The following PCDH15 variants were observed in gnomAD, a reference collection of about 807,000 sequenced individuals.
PCDH15 encodes the protein protocadherin-15.
In PCDH15, 129 loss-of-function variants were observed where a neutral mutation model predicts 178.5. The observed-to-expected ratio is 0.72, with a 90% CI of 0.63 to 0.84. The LOEUF is 0.84. PCDH15 is among the 40% of genes least tolerant of loss of function. PCDH15 has a pLI of 0.00. For synonymous variants in PCDH15, 800 were observed against 732.0 expected, an observed-to-expected ratio of 1.09 and a Z score of -1.50; for missense variants, 2,230 against 2,099.9, an observed-to-expected ratio of 1.06 and a Z score of -1.21.
intron 2 of PCDH15, among the ~76,000 whole-genome samples, chr10:55,453,602 G>A (rs1402332078): frequency 6.6e-6 from 1 of 151,866 alleles, no homozygotes; most frequent in Non-Finnish European, 1.5e-5. Context: ...GGTTTCGGGG[G>A]GTCAACTAGA....
intron 8 of PCDH15, among the ~76,000 whole-genome samples, chr10:54,243,494 A>G (rs116711241): frequency 0.058 from 8,843 of 152,162 alleles, 704 homozygotes; most frequent in African/African-American, 0.18. Context: ...GCGACAGAGC[A>G]AGACTCAGCG....
At position 54,349,644 on chromosome 10, in the gene PCDH15, T is replaced by G. The variant is rs563099724; in HGVS notation, c.475-3160A>C. Among the ~76,000 whole-genome samples the G allele has an allele frequency of 1.1e-4, 16 of 151,758 alleles. No individual in the cohort carries two copies. The Admixed American group carries it at 1.1e-3, about 10-fold the overall frequency. Reference sequence around the variant, plus strand: ...ACATTTGTAAGTATAATGTTTAATATGTAGTCCTTTAAAATAAACTCTACA... The same window carrying G: ...ACATTTGTAAGTATAATGTTTAATAGGTAGTCCTTTAAAATAAACTCTACA... On this transcript the variant is annotated intron_variant, in intron 5 of 37. Transcript: ENST00000644397.
intron 23 of PCDH15, among the ~76,000 whole-genome samples, chr10:53,947,657 A>G (rs560137317): frequency 2.4e-4 from 36 of 152,182 alleles, no homozygotes; most frequent in Non-Finnish European, 1.8e-4. Context: ...CAGTTTAAAA[A>G]AGACATGAAT....
intron 2 of PCDH15, among the ~76,000 whole-genome samples, chr10:54,660,171 TAA>T (rs2094469085): frequency 6.6e-6 from 1 of 152,084 alleles, no homozygotes; most frequent in African/African-American, 2.4e-5. Context: ...ATAAAATTGA[TAA>T]GACTGCTATT....
chr10:54,815,413 A>G (rs1952932556), intron 3 of PCDH15, among the ~76,000 whole-genome samples: 1 of 152,124 alleles, frequency 6.6e-6, no homozygotes, highest in Non-Finnish European at 1.5e-5. Flanking sequence ...GTAACTGCAT[A>G]ACATTTACTG....
chr10:55,403,209 A>G (rs1838115542), intron 2 of PCDH15, among the ~76,000 whole-genome samples: 1 of 151,112 alleles, frequency 6.6e-6, no homozygotes, highest in African/African-American at 2.4e-5. Context: ...GGGCTTTTTT[A>G]TTTTTATATT....
In PCDH15 at chr10:54,534,796, T is replaced by C. The variant is rs79610620; in HGVS notation, c.92-6919A>G. On this transcript the variant is annotated intron_variant, in intron 2 of 37. Transcript: ENST00000644397. ...GGAGAGGGACTTTTCTCATTTTTCC[T>C]GTTGATCTTTGGTATATTCATTTTC... Among the ~76,000 whole-genome samples the C allele has an allele frequency of 7.9e-3, 1,208 of 152,322 alleles. 12 individuals carry two copies. Among genetic ancestry groups the C allele is most frequent in the African/African-American group, 0.027 (1,131 of 41,574 alleles).
intron 2 of PCDH15, among the ~76,000 whole-genome samples, chr10:55,603,655 T>A (rs1329194328): frequency 6.7e-6 from 1 of 148,952 alleles, no homozygotes; most frequent in African/African-American, 2.5e-5. Context: ...AGCTTCATAA[T>A]TGAAGGAGAA....
At chr10:54,437,947 A>T (rs1290198169) in intron 3 of PCDH15, among the ~76,000 whole-genome samples, 2 of 152,186 alleles carry the variant, frequency 1.3e-5, no homozygotes, top group African/African-American at 4.8e-5. Context: ...ATCACTTGAG[A>T]ATAACTCCAG....
At chr10:54,830,985 C>G (rs1196407686) in intron 3 of PCDH15, among the ~76,000 whole-genome samples, 1 of 151,896 alleles carries the variant, frequency 6.6e-6, no homozygotes, top group East Asian at 1.9e-4. Flanking sequence ...CAATAAGAAA[C>G]CTTTTCACAA....
chr10:54,518,430 C>T (rs558953295), intron 3 of PCDH15, among the ~76,000 whole-genome samples: 1 of 152,266 alleles, frequency 6.6e-6, no homozygotes, highest in South Asian at 2.1e-4. Flanking sequence ...ATACTACAAA[C>T]ACCTCTACGC....
intron 15 of PCDH15, among the ~76,000 whole-genome samples, chr10:54,100,895 T>G (rs2094799399): frequency 6.6e-6 from 1 of 152,156 alleles, no homozygotes; most frequent in Non-Finnish European, 1.5e-5. Context: ...ACATGTATAC[T>G]TTAAGCACTG....
At chr10:54,983,046 T>C (rs746066201) in intron 2 of PCDH15, among the ~76,000 whole-genome samples, 1 of 152,204 alleles carries the variant, frequency 6.6e-6, no homozygotes, top group East Asian at 1.9e-4. Context: ...TTCTGAACAA[T>C]CAAGGAATGA....
intron 6 of PCDH15, among the ~76,000 whole-genome samples, chr10:54,330,474 C>T (rs906223944): frequency 6.6e-6 from 1 of 151,740 alleles, no homozygotes; most frequent in Non-Finnish European, 1.5e-5. Flanking sequence ...TTTATGAGAC[C>T]ACCATTTGCT....
intron 13 of PCDH15, among the ~76,000 whole-genome samples, chr10:54,172,871 A>G (rs1470784583): frequency 6.6e-6 from 1 of 152,228 alleles, no homozygotes; most frequent in Non-Finnish European, 1.5e-5. Context: ...AACTTTCACT[A>G]TGACAACCAA....
In PCDH15 at chr10:53,857,155, A is replaced by G. The variant is rs1267657495; in HGVS notation, c.3806+20T>C. 1.3e-6 allele frequency: 2 copies of G among 1,488,908 alleles called. No individual in the cohort carries two copies. The highest frequency in any genetic ancestry group is 1.1e-5 in the South Asian group (1 of 87,696). The allele number at this position is 1,488,908 out of a possible 1,614,324, so 92.2% of individuals were successfully genotyped here. A position where few individuals can be genotyped will look rare whatever the true frequency, so the allele number is the denominator to read the frequency against. On this transcript the variant is annotated intron_variant, in intron 28 of 37. Transcript: ENST00000644397. ...CATGGTCATATAAAAATAAATATATAAGGAGACAAAATCAATTACTCTGTA... is the reference window on the plus strand; with the variant it reads ...CATGGTCATATAAAAATAAATATATGAGGAGACAAAATCAATTACTCTGTA...
chr10:55,351,568 T>C (rs1844935607), intron 2 of PCDH15, among the ~76,000 whole-genome samples: 1 of 152,152 alleles, frequency 6.6e-6, no homozygotes, highest in Non-Finnish European at 1.5e-5. Context: ...ATAATCCCCT[T>C]TTTGTTTCAA....
intron 1 of PCDH15, among the ~76,000 whole-genome samples, chr10:55,299,831 C>T (rs1843226418): frequency 6.6e-6 from 1 of 152,092 alleles, no homozygotes; most frequent in African/African-American, 2.4e-5. Context: ...CACAAGGCAG[C>T]ATTCTCGCCA....
At chr10:54,558,937 T>C (rs2087677177) in intron 2 of PCDH15, among the ~76,000 whole-genome samples, 1 of 152,092 alleles carries the variant, frequency 6.6e-6, no homozygotes. Flanking sequence ...CTTTACCATC[T>C]AAGTACTCAA....
Sources: allele counts gnomAD v4.1 joint callset (sites outside exome capture counted in the v4.1 genomes callset), GRCh38; gene constraint gnomAD v4.1.1; transcripts MANE v1.5; gene names NCBI Gene and HGNC (gene_info 2026-07-23, HGNC 2026-07-21).